SMYD3: variants seen among roughly 807,000 people sequenced by gnomAD.
The protein encoded by SMYD3 is histone-lysine N-methyltransferase SMYD3.
A neutral mutation model predicts 57.7 loss-of-function variants in SMYD3; 36 were observed. The ratio of observed to expected loss-of-function variants is 0.62; its 90% CI spans 0.48 to 0.82. SMYD3 has a LOEUF of 0.82. SMYD3 is among the 40% of genes least tolerant of loss of function. SMYD3 has a pLI of 0.00. For missense variants in SMYD3, 515 were observed against 538.8 expected (o/e 0.96, Z 0.44); for synonymous variants, 211 against 195.0 (o/e 1.08, Z -0.68).
intron 5 of SMYD3, among the ~76,000 whole-genome samples, chr1:246,284,663 A>T (rs558882473): frequency 6.6e-6 from 1 of 151,762 alleles, no homozygotes; most frequent in Non-Finnish European, 1.5e-5. Context: ...TGATCCGCCC[A>T]CCTCAGCCTC....
At chr1:245,983,788 G>A (rs1006926605) in intron 5 of SMYD3, among the ~76,000 whole-genome samples, 3 of 152,122 alleles carry the variant, frequency 2.0e-5, no homozygotes, top group African/African-American at 7.2e-5. Context: ...CCCAACACAG[G>A]CTATGATGGA....
intron 10 of SMYD3, among the ~76,000 whole-genome samples, chr1:245,837,321 G>A (rs1435500562): frequency 2.6e-5 from 4 of 152,002 alleles, no homozygotes; most frequent in South Asian, 2.1e-4. Flanking sequence ...ACGGGTCCTA[G>A]AAATCCCCCG....
Position 246,146,205 on chromosome 1 carries a change from C to T in SMYD3, c.531+180996G>A, listed in dbSNP as rs77381046. On this transcript the variant is annotated intron_variant, in intron 5 of 11. Transcript: ENST00000490107. Reference sequence around the variant, plus strand: ...TACACCAGCCTAAAGGTGCACCATGCAGGAAGAACAGGGAAGTGAATAAAC... The same window carrying T: ...TACACCAGCCTAAAGGTGCACCATGTAGGAAGAACAGGGAAGTGAATAAAC... Among the ~76,000 whole-genome samples, 256 of 152,288 alleles carry T rather than the reference C, an allele frequency of 1.7e-3. 3 individuals carry two copies. The East Asian group carries it at 0.037, about 22-fold the overall frequency.
intron 5 of SMYD3, among the ~76,000 whole-genome samples, chr1:246,028,314 GA>G (rs1364016119): frequency 6.6e-6 from 1 of 152,080 alleles, no homozygotes; most frequent in Admixed American, 6.6e-5. Flanking sequence ...CCCTCTTTGT[GA>G]ATGACATAAT....
chr1:246,242,225 C>G (rs9787382), intron 5 of SMYD3, among the ~76,000 whole-genome samples: 4,583 of 151,960 alleles, frequency 0.03, 89 homozygotes, highest in African/African-American at 0.037. Context: ...CTTGTGGGCA[C>G]TTAATGCTCT....
intron 1 of SMYD3, among the ~76,000 whole-genome samples, chr1:246,476,521 G>A (rs1320660717): frequency 1.3e-5 from 2 of 152,142 alleles, no homozygotes; most frequent in African/African-American, 4.8e-5. Flanking sequence ...TAAGTAACAA[G>A]ACTGTAAACC....
At chr1:246,061,980 G>C (rs1198031061) in intron 5 of SMYD3, among the ~76,000 whole-genome samples, 1 of 152,108 alleles carries the variant, frequency 6.6e-6, no homozygotes, top group Non-Finnish European at 1.5e-5. Context: ...CTGAAAAAGG[G>C]AAGTGAATTG....
At chr1:246,297,290 A>G (rs2064814091) in intron 5 of SMYD3, among the ~76,000 whole-genome samples, 1 of 152,204 alleles carries the variant, frequency 6.6e-6, no homozygotes, top group African/African-American at 2.4e-5. Flanking sequence ...GAGGAGTTTC[A>G]TTAAGGAAAC....
At chr1:246,302,154 T>C (rs1032458494) in intron 5 of SMYD3, among the ~76,000 whole-genome samples, 16 of 152,246 alleles carry the variant, frequency 1.1e-4, no homozygotes, top group African/African-American at 3.6e-4. Context: ...AACAAAATAA[T>C]AAGTTACTTT....
At chr1:246,182,558 C>T (rs553381980) in intron 5 of SMYD3, among the ~76,000 whole-genome samples, 1 of 152,322 alleles carries the variant, frequency 6.6e-6, no homozygotes, top group Non-Finnish European at 1.5e-5. Flanking sequence ...AGTACTCTTT[C>T]CAGTACCCCA....
At chr1:245,857,644 C>T (rs892490113) in intron 10 of SMYD3, among the ~76,000 whole-genome samples, 3 of 152,184 alleles carry the variant, frequency 2.0e-5, no homozygotes, top group Non-Finnish European at 4.4e-5. Context: ...CAGGTGCTTT[C>T]GAGGTACCTT....
intron 5 of SMYD3, among the ~76,000 whole-genome samples, chr1:246,225,555 G>C (rs765380571): frequency 5.4e-4 from 82 of 152,106 alleles, no homozygotes; most frequent in Non-Finnish European, 5.4e-4. Flanking sequence ...GAGAGAGCTA[G>C]AGCACAGGAG....
intron 5 of SMYD3, among the ~76,000 whole-genome samples, chr1:246,033,827 T>G (rs532896041): frequency 3.3e-5 from 5 of 152,186 alleles, no homozygotes; most frequent in Non-Finnish European, 5.9e-5. Context: ...ATTAAAAATT[T>G]TTTTAAATGT....
Position 245,833,073 on chromosome 1 carries a change from A to AAAAAAAAAAAAAAAAAAAAAAC in SMYD3, c.1076+25422_1076+25423insGTTTTTTTTTTTTTTTTTTTTT. On this transcript the variant is annotated intron_variant, in intron 10 of 11. Coordinates refer to ENST00000490107, the MANE Select transcript of SMYD3 (RefSeq NM_001167740.2). Reference sequence around the variant, plus strand: ...GGAATATGTGACAAAAAAAAAAAAAAAACCTGCTTTTATAATGCTGATTCA... The same window carrying AAAAAAAAAAAAAAAAAAAAAAC: ...GGAATATGTGACAAAAAAAAAAAAAAAAAAAAAAAAAAAAAAAAAAACAACCTGCTTTTATAATGCTGATTCA... Among the ~76,000 whole-genome samples the AAAAAAAAAAAAAAAAAAAAAAC allele has an allele frequency of 2.8e-4, 36 of 128,662 alleles. 1 individual carries two copies. The highest frequency in any genetic ancestry group is 1.7e-3 in the East Asian group (5 of 2,968). 84.4% of individuals were successfully genotyped at this position (128,662 alleles called of 152,430 possible). A position where few individuals can be genotyped will look rare whatever the true frequency, so the allele number is the denominator to read the frequency against.
At chr1:246,444,318 G>T (rs532132335) in intron 1 of SMYD3, among the ~76,000 whole-genome samples, 1 of 151,990 alleles carries the variant, frequency 6.6e-6, no homozygotes, top group Non-Finnish European at 1.5e-5. Context: ...TAGAGACGGG[G>T]TTTCACCATG....
intron 10 of SMYD3, among the ~76,000 whole-genome samples, chr1:245,806,916 C>CAAAAAAAAAAAAAAAA (rs112012738): frequency 4.8e-5 from 2 of 41,332 alleles, no homozygotes; most frequent in African/African-American, 1.8e-4. Context: ...GACTCCGTCT[C>CAAAAAAAAAAAAAAAA]AAAAAAAAAA....
intron 5 of SMYD3, among the ~76,000 whole-genome samples, chr1:246,094,248 C>G (rs908268774): frequency 6.6e-6 from 1 of 152,164 alleles, no homozygotes; most frequent in African/African-American, 2.4e-5. Context: ...CTAACAAAGA[C>G]AGGGAAAGGT....
intron 10 of SMYD3, among the ~76,000 whole-genome samples, chr1:245,830,841 C>A (rs2049795207): frequency 6.6e-6 from 1 of 152,160 alleles, no homozygotes; most frequent in Non-Finnish European, 1.5e-5. Flanking sequence ...TTTCTTTCTT[C>A]TTCCTCTCCT....
chr1:246,348,705 C>A (rs536425645), intron 2 of SMYD3, among the ~76,000 whole-genome samples: 2 of 152,246 alleles, frequency 1.3e-5, no homozygotes, highest in East Asian at 3.9e-4. Flanking sequence ...CAGGATCACA[C>A]AGTATACCTT....
Sources: allele counts gnomAD v4.1 joint callset (sites outside exome capture counted in the v4.1 genomes callset), GRCh38; gene constraint gnomAD v4.1.1; transcripts MANE v1.5; gene names NCBI Gene and HGNC (gene_info 2026-07-23, HGNC 2026-07-21).